The following BTC variants were observed in gnomAD, a reference collection of about 807,000 sequenced individuals.
BTC encodes betacellulin.
A neutral mutation model predicts 18.1 loss-of-function variants in BTC; 13 were observed. The observed-to-expected ratio is 0.72, with a 90% CI of 0.47 to 1.14. The LOEUF (loss-of-function observed/expected upper bound fraction) is 1.14. Among genes scored for constraint, BTC ranks in the 50% most tolerant of loss-of-function variants. BTC has a pLI of 0.00. For synonymous variants in BTC, 83 were observed against 79.4 expected, an observed-to-expected ratio of 1.05 and a Z score of -0.24; for missense variants, 247 against 224.2, an observed-to-expected ratio of 1.10 and a Z score of -0.65.
chr4:74,779,924 A>C, intron 1 of BTC, among the ~76,000 whole-genome samples: 1 of 152,200 alleles, frequency 6.6e-6, no homozygotes. Context: ...TCAGGTGTTT[A>C]GAACATAAAT....
At chr4:74,791,347 G>T (rs1725620532) in intron 1 of BTC, among the ~76,000 whole-genome samples, 1 of 138,742 alleles carries the variant, frequency 7.2e-6, no homozygotes, top group Admixed American at 7.0e-5. Flanking sequence ...CTCAAAAAAA[G>T]AAAAAAGAAA....
At chr4:74,763,279 T>A (rs1402648723) in intron 2 of BTC, among the ~76,000 whole-genome samples, 2 of 152,294 alleles carry the variant, frequency 1.3e-5, no homozygotes, top group African/African-American at 4.8e-5. Flanking sequence ...GTATTTTAAT[T>A]ATGCCAATAA....
intron 1 of BTC, among the ~76,000 whole-genome samples, chr4:74,793,871 C>A (rs1725696056): frequency 6.6e-6 from 1 of 152,132 alleles, no homozygotes; most frequent in African/African-American, 2.4e-5. Context: ...GGTTTCCCTG[C>A]TCGCCCCTGC....
chr4:74,760,369 T>C (rs933064429), intron 2 of BTC, among the ~76,000 whole-genome samples: 2 of 152,204 alleles, frequency 1.3e-5, no homozygotes, highest in Admixed American at 1.3e-4. Flanking sequence ...AAGTAGAGCC[T>C]AGGGCTTTGT....
chr4:74,765,898 A>G (rs191540529), intron 2 of BTC, among the ~76,000 whole-genome samples: 18 of 152,268 alleles, frequency 1.2e-4, no homozygotes, highest in Non-Finnish European at 2.4e-4. Context: ...TCATTGAGCA[A>G]ACATCATAGA....
intron 2 of BTC, among the ~76,000 whole-genome samples, chr4:74,760,653 G>A (rs1034374932): frequency 6.6e-6 from 1 of 151,988 alleles, no homozygotes; most frequent in African/African-American, 2.4e-5. Flanking sequence ...ATCTCACAGA[G>A]GTACATGTTA....
chr4:74,757,864 GATAGAC>G (rs1313390172), intron 2 of BTC, among the ~76,000 whole-genome samples: 2 of 152,180 alleles, frequency 1.3e-5, no homozygotes, highest in Non-Finnish European at 2.9e-5. Flanking sequence ...TCATCTGTAA[GATAGAC>G]ATGATAACAT....
intron 2 of BTC, 78 bp downstream of exon 2, chr4:74,769,980 G>A (rs2109899803): frequency 8.2e-7 from 1 of 1,213,226 alleles, no homozygotes; most frequent in Non-Finnish European, 1.2e-6. Flanking sequence ...ATGTTCAAAT[G>A]TTTACCTAGT....
At chr4:74,777,091 G>T (rs1051987412) in intron 1 of BTC, among the ~76,000 whole-genome samples, 1 of 152,142 alleles carries the variant, frequency 6.6e-6, no homozygotes, top group African/African-American at 2.4e-5. Flanking sequence ...AAGCAGTGCA[G>T]AGTAACGGAG....
At chr4:74,754,959 A>AC (rs1317558273) in intron 3 of BTC, among the ~76,000 whole-genome samples, 2 of 151,766 alleles carry the variant, frequency 1.3e-5, no homozygotes, top group African/African-American at 4.8e-5. Flanking sequence ...ACACACACAC[A>AC]CACACACTCA....
chr4:74,786,403 A>C (rs1462435169), intron 1 of BTC, among the ~76,000 whole-genome samples: 1 of 152,206 alleles, frequency 6.6e-6, no homozygotes, highest in Non-Finnish European at 1.5e-5. Context: ...CAGACAATTG[A>C]TTGTTATGAA....
intron 1 of BTC, among the ~76,000 whole-genome samples, chr4:74,773,754 G>A (rs1725109067): frequency 6.6e-6 from 1 of 151,952 alleles, no homozygotes; most frequent in Non-Finnish European, 1.5e-5. Flanking sequence ...TGAGATTATA[G>A]GTGCCTGCCA....
chr4:74,758,964 C>T (rs187675487), intron 2 of BTC, among the ~76,000 whole-genome samples: 1 of 152,228 alleles, frequency 6.6e-6, no homozygotes, highest in Non-Finnish European at 1.5e-5. Flanking sequence ...CACACACACA[C>T]ACATACACAC....
intron 1 of BTC, among the ~76,000 whole-genome samples, chr4:74,785,780 C>G (rs1273486409): frequency 6.6e-6 from 1 of 152,162 alleles, no homozygotes; most frequent in Admixed American, 6.6e-5. Context: ...AAAACTATCA[C>G]CTCACACATA....
chr4:74,745,422 T>C lies in BTC; in HGVS notation c.*1255A>G, dbSNP rs1021284622. ...AAGCTGCTTGGCCGACAGGCACAAG[T>C]TGGGGGGCATCTTCCATCGATTTTT... On this transcript the variant is annotated 3_prime_UTR_variant, in exon 6 of 6. Coordinates refer to ENST00000395743, the MANE Select transcript of BTC (RefSeq NM_001729.4). 1 of 152,154 alleles carries C rather than the reference T, an allele frequency of 6.6e-6. No homozygotes were observed. The highest frequency in any genetic ancestry group is 2.4e-5 in the African/African-American group (1 of 41,430). The allele number at this position is 152,154 out of a possible 1,614,324, so 9.4% of individuals were successfully genotyped here.
intron 2 of BTC, among the ~76,000 whole-genome samples, chr4:74,766,221 G>A (rs373791158): frequency 1.3e-5 from 2 of 151,788 alleles, no homozygotes; most frequent in African/African-American, 2.4e-5. Flanking sequence ...ATAAACCACC[G>A]CAGACTTTAT....
Position 74,794,308 on chromosome 4 carries a change from C to T in BTC, c.18G>A (p.Arg6=). Residue 6 remains arginine, a synonymous_variant, in exon 1 of 6, where the codon CGG becomes CGA. Coordinates refer to ENST00000395743, the MANE Select transcript of BTC (RefSeq NM_001729.4). The stretch of plus-strand genomic sequence containing the variant: ...GTGGCAGGGAGCTGGCGCCGCTGCA[C>T]CGGGCGGCCCGGTCCATCAACCCCG... MDRAA[R]CSGASSLPLL... 1 of 1,547,818 alleles carries T rather than the reference C, an allele frequency of 6.5e-7. No individual in the cohort carries two copies.
At chr4:74,768,346 G>C (rs1577959024) in intron 2 of BTC, among the ~76,000 whole-genome samples, 1 of 152,106 alleles carries the variant, frequency 6.6e-6, no homozygotes, top group African/African-American at 2.4e-5. Flanking sequence ...TCAAAAGGTG[G>C]AAGCAACCCA....
chr4:74,780,766 G>A (rs1725296491), intron 1 of BTC, among the ~76,000 whole-genome samples: 1 of 152,076 alleles, frequency 6.6e-6, no homozygotes, highest in African/African-American at 2.4e-5. Context: ...GACCATAAGA[G>A]AACACAGTTA....
Sources: allele counts gnomAD v4.1 joint callset (sites outside exome capture counted in the v4.1 genomes callset), GRCh38; gene constraint gnomAD v4.1.1; transcripts MANE v1.5; gene names NCBI Gene and HGNC (gene_info 2026-07-23, HGNC 2026-07-21).